Variants in AFDN observed in about 807,000 individuals in gnomAD.
AFDN encodes the protein afadin.
AFDN carries 68 observed loss-of-function variants against 216.6 expected under a neutral mutation model. That is an observed-to-expected ratio of 0.31 (90% CI 0.26 to 0.38). The LOEUF is 0.38. Among genes scored for constraint, AFDN ranks in the 10% least tolerant of loss-of-function variants. The probability of loss-of-function intolerance (pLI) is 1.00; values close to 1 mark genes in which losing one functional copy is unlikely to be tolerated. For synonymous variants in AFDN, 868 were observed against 853.7 expected (o/e 1.02, Z -0.29); for missense variants, 2,136 against 2,342.0 (o/e 0.91, Z 1.82).
At chr6:167,956,643 T>C (rs145249209) in intron 30 of AFDN, among the ~76,000 whole-genome samples, 2 of 152,280 alleles carry the variant, frequency 1.3e-5, no homozygotes, top group Non-Finnish European at 2.9e-5. Flanking sequence ...AAGTGAAATC[T>C]TTGTCTGCTT....
At chr6:167,838,677 G>A (rs192261592) in intron 1 of AFDN, among the ~76,000 whole-genome samples, 1 of 152,182 alleles carries the variant, frequency 6.6e-6, no homozygotes, top group South Asian at 2.1e-4. Context: ...ACAGTGGCCT[G>A]TTGTACCTTC....
intron 8 of AFDN, among the ~76,000 whole-genome samples, chr6:167,893,398 A>T (rs1787853425): frequency 6.6e-6 from 1 of 152,188 alleles, no homozygotes; most frequent in Admixed American, 6.5e-5. Context: ...GCCAAGCATT[A>T]TATACTCAAT....
chr6:167,832,821 T>C (rs551135110), intron 1 of AFDN, among the ~76,000 whole-genome samples: 1 of 152,338 alleles, frequency 6.6e-6, no homozygotes, highest in East Asian at 1.9e-4. Context: ...AAATAAGCAA[T>C]GTCAACCTTG....
At chr6:167,927,353 G>A (rs1792688813) in intron 23 of AFDN, among the ~76,000 whole-genome samples, 1 of 152,106 alleles carries the variant, frequency 6.6e-6, no homozygotes, top group South Asian at 2.1e-4. Context: ...TTTGGATAAG[G>A]TGAGACCTGT....
chr6:167,864,621 G>A lies in AFDN; in HGVS notation c.176G>A (p.Cys59Tyr). Residue 59 changes from cysteine (C) to tyrosine (Y), a missense_variant, in exon 2 of 34, where the codon TGT (cysteine) becomes TAT (tyrosine). Physicochemically the swap from Cys to Tyr is radical, Grantham distance 194 (BLOSUM62 -2). Transcript: ENST00000683244. Reference protein sequence around the residue: ...DKAAGNFATKCIRVSSTATTQ... With the variant: ...DKAAGNFATKYIRVSSTATTQ... ...GCTGCTGGAAACTTTGCAACAAAAT[G>A]TATTCGGGTCTCTAGTACTGCCACC... The A allele has an allele frequency of 6.2e-7, 1 of 1,614,184 alleles. No homozygotes were observed. The highest frequency in any genetic ancestry group is 8.5e-7 in the Non-Finnish European group (1 of 1,180,038).
chr6:167,888,147 A>C (rs766861095), intron 6 of AFDN, among the ~76,000 whole-genome samples: 10 of 152,226 alleles, frequency 6.6e-5, no homozygotes, highest in Non-Finnish European at 1.3e-4. Flanking sequence ...TCAGATCCTG[A>C]AGTAGTATGT....
At chr6:167,895,190 A>G (rs139128065) in intron 9 of AFDN, among the ~76,000 whole-genome samples, 1,563 of 152,154 alleles carry the variant, frequency 0.01, 32 homozygotes, top group African/African-American at 0.036. Context: ...GGAAATCATC[A>G]TACGATACGG....
intron 27 of AFDN, 23 bp from the exon 28 acceptor site, chr6:167,947,830 T>A: frequency 1.3e-6 from 2 of 1,530,786 alleles, no homozygotes; most frequent in South Asian, 1.2e-5. Flanking sequence ...TACACTTTTT[T>A]TTTTCCCCCC....
rs764174496 is a variant in AFDN, at chr6:167,880,398, A to G, written c.778A>G (p.Asn260Asp). ...AATTTATGCAGATAGTTTAAAACCAAATATTCCCTACAAGACAATCCTGCT... is the reference window on the plus strand; with the variant it reads ...AATTTATGCAGATAGTTTAAAACCAGATATTCCCTACAAGACAATCCTGCT... ...LRIYADSLKP[N>D]IPYKTILLST... Residue 260 changes from asparagine (N) to aspartate (D), a missense_variant, in exon 6 of 34, where the codon AAT (asparagine) becomes GAT (aspartate). Coordinates refer to ENST00000683244, the MANE Select transcript of AFDN (RefSeq NM_001386888.1). The G allele has an allele frequency of 2.5e-6, 4 of 1,613,508 alleles. No individual in the cohort carries two copies. The South Asian group carries it at 4.4e-5, about 18-fold the overall frequency.
intron 20 of AFDN, 25 bp downstream of exon 20, chr6:167,917,257 A>C: frequency 6.4e-7 from 1 of 1,566,490 alleles, no homozygotes; most frequent in Non-Finnish European, 8.6e-7. Context: ...CCACATTACC[A>C]CACAGTGCGG....
rs758869605 is a variant in AFDN at position 167,962,504 on chromosome 6, G to C, written c.4905G>C (p.Ala1635=). The C allele has an allele frequency of 6.2e-7, 1 of 1,613,834 alleles. No homozygotes were observed. The highest frequency in any genetic ancestry group is 2.2e-5 in the East Asian group (1 of 44,890). Reference sequence around the variant, plus strand: ...GCAAGCGGGAAGCGGAAGACCGAGCGAGGCAAGAGGAAGAGCGCCGGCGGC... The same window carrying C: ...GCAAGCGGGAAGCGGAAGACCGAGCCAGGCAAGAGGAAGAGCGCCGGCGGC... ...EMRKREAEDR[A]RQEEERRRQE... Residue 1635 remains alanine, a synonymous_variant, in exon 31 of 34, where the codon GCG becomes GCC. Coordinates refer to ENST00000683244, the MANE Select transcript of AFDN (RefSeq NM_001386888.1). The surrounding 1 kb of genome is among the most constrained non-coding windows in gnomAD (Gnocchi z 5.2).
At chr6:167,887,379 T>G (rs1434318259) in intron 6 of AFDN, among the ~76,000 whole-genome samples, 1 of 152,164 alleles carries the variant, frequency 6.6e-6, no homozygotes, top group Non-Finnish European at 1.5e-5. Context: ...TTTGCAAGAT[T>G]AGGCAATACA....
chr6:167,879,694 A>G (rs1406373013), intron 5 of AFDN, among the ~76,000 whole-genome samples: 3 of 152,192 alleles, frequency 2.0e-5, no homozygotes. Context: ...GGATATCCAA[A>G]TTGCTCTGCT....
At chr6:167,874,675 G>C (rs1156295370) in intron 4 of AFDN, among the ~76,000 whole-genome samples, 1 of 148,904 alleles carries the variant, frequency 6.7e-6, no homozygotes, top group Non-Finnish European at 1.5e-5. Context: ...GAATGCAGTG[G>C]CACAATCTTG....
At chr6:167,914,364 T>C (rs1348752162) in intron 17 of AFDN, 51 bp downstream of exon 17, 9 of 1,577,472 alleles carry the variant, frequency 5.7e-6, no homozygotes, top group Non-Finnish European at 6.9e-6. Context: ...TTAAGTCATT[T>C]GTTTTCTTAT....
chr6:167,837,969 G>A (rs1268098676), intron 1 of AFDN, among the ~76,000 whole-genome samples: 3 of 152,142 alleles, frequency 2.0e-5, no homozygotes, highest in Non-Finnish European at 4.4e-5. Context: ...ATACTTATGT[G>A]CATATATATT....
intron 1 of AFDN, among the ~76,000 whole-genome samples, chr6:167,843,979 A>G (rs149835405): frequency 5.3e-5 from 8 of 152,130 alleles, no homozygotes; most frequent in African/African-American, 1.4e-4. Context: ...CTTAAGTTTT[A>G]TAGCAAGAGA....
rs541612480 is a variant in AFDN, at chr6:167,953,830, G to C, written c.4833+1643G>C. On this transcript the variant is annotated intron_variant, in intron 30 of 33. Coordinates refer to ENST00000683244, the MANE Select transcript of AFDN (RefSeq NM_001386888.1). ...CGTTAGGATCCTAAGGACGTTCATG[G>C]CCTTGTGTCACCCACACCCCAAAAG... Among the ~76,000 whole-genome samples, 20 of 152,272 alleles carry C rather than the reference G, an allele frequency of 1.3e-4. No homozygotes were observed. In the South Asian group the frequency reaches 3.9e-3, roughly 30 times the overall value.
rs911594850 is a variant in AFDN, at chr6:167,834,021, C to T, written c.105+6784C>T. Among the ~76,000 whole-genome samples, 4 of 152,080 alleles carry T rather than the reference C, an allele frequency of 2.6e-5. No individual in the cohort carries two copies. The South Asian group carries it at 6.2e-4, about 24-fold the overall frequency. On this transcript the variant is annotated intron_variant, in intron 1 of 33. Coordinates refer to ENST00000683244, the MANE Select transcript of AFDN (RefSeq NM_001386888.1). ...TGTTTTTCAATAATATGATTTTACA[C>T]GAGCTTTTTAATGAGTTATTAGGTT...
Sources: gnomAD v4.1 joint callset for allele counts (sites outside exome capture counted in the v4.1 genomes callset) on GRCh38, gnomAD v4.1.1 for gene constraint, Gnocchi (gnomAD v3.1) non-coding constraint, MANE v1.5 for transcripts, NCBI Gene and HGNC (gene_info 2026-07-23, HGNC 2026-07-21) for gene names.